The following FLI1 variants were observed in gnomAD, a reference collection of about 807,000 sequenced individuals.
FLI1 encodes Friend leukemia integration 1 transcription factor.
In FLI1, 13 loss-of-function variants were observed where a neutral mutation model predicts 53.1. The observed-to-expected ratio is 0.24, with a 90% CI of 0.16 to 0.39. The LOEUF (loss-of-function observed/expected upper bound fraction) is 0.39. FLI1 is among the 10% of genes least tolerant of loss of function. The probability of loss-of-function intolerance (pLI) is 1.00; values close to 1 mark genes in which losing one functional copy is unlikely to be tolerated. For synonymous variants in FLI1, 244 were observed against 236.7 expected (o/e 1.03, Z -0.28); for missense variants, 424 against 600.5 (o/e 0.71, Z 3.07).
At position 128,807,194 on chromosome 11, in the gene FLI1, G is replaced by T; in HGVS notation, c.736G>T (p.Gly246Trp). The change falls in exon 7 of 9, where the codon GGG (glycine) becomes TGG (tryptophan). Residue 246 changes from glycine to tryptophan, a missense_variant. By Grantham distance (184) the Gly-to-Trp change is radical (BLOSUM62 -2). Coordinates refer to ENST00000527786, the MANE Select transcript of FLI1 (RefSeq NM_002017.5). ...SGLNKSPPLG[G>W]AQTISKNTEQ... ...TCTTGCCACAGGTCCTCCCCTTGGAGGGGCACAAACGATCAGTAAGAATAC... is the reference window on the plus strand; with the variant it reads ...TCTTGCCACAGGTCCTCCCCTTGGATGGGCACAAACGATCAGTAAGAATAC... 1 of 1,598,710 alleles carries T rather than the reference G, an allele frequency of 6.3e-7. No individual in the cohort carries two copies. The highest frequency in any genetic ancestry group is 8.5e-7 in the Non-Finnish European group (1 of 1,172,124).
intron 5 of FLI1, among the ~76,000 whole-genome samples, chr11:128,799,020 A>ATATTATTATTAT (rs751738832): frequency 1.4e-5 from 2 of 139,388 alleles, no homozygotes; most frequent in African/African-American, 5.3e-5. Context: ...TTATTTTATT[A>ATATTATTATTAT]TATTATTATT....
At chr11:128,790,425 C>T (rs776286296) in intron 5 of FLI1, among the ~76,000 whole-genome samples, 9 of 152,132 alleles carry the variant, frequency 5.9e-5, no homozygotes, top group African/African-American at 1.9e-4. Context: ...CCCAATCCCT[C>T]GGGAACTTAG....
At chr11:128,758,980 A>G (rs584577) in intron 2 of FLI1, among the ~76,000 whole-genome samples, 66,013 of 152,124 alleles carry the variant, frequency 0.43, 14,587 homozygotes, top group East Asian at 0.64. Flanking sequence ...CCCCTTGGGC[A>G]AGTCATCGAA....
chr11:128,749,633 T>C lies in FLI1; in HGVS notation c.19-8482T>C, dbSNP rs901495936. Reference sequence around the variant, plus strand: ...AGGGGGAAGAAAATAAGCTCTGCCTTTTGATGGGAAGAGAGAGGCAAAGAT... The same window carrying C: ...AGGGGGAAGAAAATAAGCTCTGCCTCTTGATGGGAAGAGAGAGGCAAAGAT... On this transcript the variant is annotated intron_variant, in intron 1 of 8. Transcript: ENST00000527786. Among the ~76,000 whole-genome samples, 10 of 152,316 alleles carry C rather than the reference T, an allele frequency of 6.6e-5. No homozygotes were observed. In the East Asian group the frequency reaches 1.9e-3, roughly 29 times the overall value.
intron 4 of FLI1, among the ~76,000 whole-genome samples, chr11:128,781,615 C>T (rs923659577): frequency 2.6e-5 from 4 of 152,150 alleles, no homozygotes; most frequent in East Asian, 1.9e-4. Context: ...GGAATAGACC[C>T]GGGTTTACTG....
intron 1 of FLI1, among the ~76,000 whole-genome samples, chr11:128,729,566 A>G (rs139010238): frequency 1.3e-5 from 2 of 152,352 alleles, no homozygotes; most frequent in African/African-American, 2.4e-5. Context: ...GGGAAACACG[A>G]GTGCACCAAG....
At chr11:128,699,569 A>G (rs1230359575) in intron 1 of FLI1, among the ~76,000 whole-genome samples, 1 of 152,066 alleles carries the variant, frequency 6.6e-6, no homozygotes, top group Non-Finnish European at 1.5e-5. Context: ...TCTGCAGAAG[A>G]CTACACCCTG....
chr11:128,742,512 G>C (rs748459075), intron 1 of FLI1, among the ~76,000 whole-genome samples: 5 of 152,212 alleles, frequency 3.3e-5, no homozygotes, highest in Non-Finnish European at 5.9e-5. Flanking sequence ...CACAGCCTGT[G>C]CTCTCCAAGA....
chr11:128,704,561 G>C (rs1454958972), intron 1 of FLI1, among the ~76,000 whole-genome samples: 1 of 152,102 alleles, frequency 6.6e-6, no homozygotes, highest in Non-Finnish European at 1.5e-5. Context: ...GAATTTGTCT[G>C]GTTTTGATTC....
chr11:128,770,250 C>A (rs1324094752), intron 3 of FLI1, among the ~76,000 whole-genome samples: 1 of 152,196 alleles, frequency 6.6e-6, no homozygotes, highest in Non-Finnish European at 1.5e-5. Context: ...GAAAATAAAA[C>A]AAATTCATGT....
intron 1 of FLI1, among the ~76,000 whole-genome samples, chr11:128,701,169 A>G (rs866808776): frequency 8.5e-5 from 13 of 152,100 alleles, no homozygotes; most frequent in African/African-American, 1.9e-4. Context: ...GAGAAACTCT[A>G]TTTCACCAGA....
chr11:128,690,532 G>A (rs1041938489), upstream of FLI1, among the ~76,000 whole-genome samples: 8 of 152,172 alleles, frequency 5.3e-5, no homozygotes, highest in African/African-American at 1.9e-4. Context: ...GACATTGAGC[G>A]AGCCAAGACA....
intron 5 of FLI1, among the ~76,000 whole-genome samples, chr11:128,787,293 T>C (rs1323042569): frequency 6.6e-6 from 1 of 152,172 alleles, no homozygotes; most frequent in Admixed American, 6.5e-5. Flanking sequence ...CTGGTAGTAT[T>C]ATTATCCCCC....
chr11:128,768,038 C>T (rs1941410042), intron 2 of FLI1, 80 bp from the exon 3 acceptor site: 2 of 1,334,774 alleles, frequency 1.5e-6, no homozygotes, highest in Admixed American at 2.3e-5. Context: ...CATCGGAGCC[C>T]TGGGCTCATG....
chr11:128,760,053 T>A (rs1285813918), intron 2 of FLI1, among the ~76,000 whole-genome samples: 1 of 152,130 alleles, frequency 6.6e-6, no homozygotes, highest in Non-Finnish European at 1.5e-5. Flanking sequence ...ATCCCAGGAT[T>A]TCAGGAAGGC....
chr11:128,778,907 A>AGG (rs1387448622), intron 4 of FLI1, among the ~76,000 whole-genome samples: 153 of 152,356 alleles, frequency 1.0e-3, no homozygotes, highest in Non-Finnish European at 1.8e-3. Context: ...GAACTAATGA[A>AGG]GTAGAAATCG....
chr11:128,701,761 G>C (rs116280495), intron 1 of FLI1, among the ~76,000 whole-genome samples: 2,462 of 152,262 alleles, frequency 0.016, 75 homozygotes, highest in African/African-American at 0.055. Context: ...AGTGCTATGT[G>C]TCCAAGGCAA....
At chr11:128,760,520 C>CTTATTT (rs1565486162) in intron 2 of FLI1, among the ~76,000 whole-genome samples, 6 of 103,590 alleles carry the variant, frequency 5.8e-5, no homozygotes, top group East Asian at 2.5e-4. Flanking sequence ...GTGGAGATTC[C>CTTATTT]TTTTTTTTTT....
At chr11:128,765,690 A>G (rs1259737161) in intron 2 of FLI1, among the ~76,000 whole-genome samples, 1 of 152,170 alleles carries the variant, frequency 6.6e-6, no homozygotes, top group Non-Finnish European at 1.5e-5. Flanking sequence ...GGCCAACTTA[A>G]TCCTTCAAAC....
Sources: gnomAD v4.1 joint callset for allele counts (sites outside exome capture counted in the v4.1 genomes callset) on GRCh38, gnomAD v4.1.1 for gene constraint, MANE v1.5 for transcripts, NCBI Gene and HGNC (gene_info 2026-07-23, HGNC 2026-07-21) for gene names.